MACF1: variants seen among roughly 807,000 people sequenced by gnomAD.
MACF1 encodes the protein microtubule-actin cross-linking factor 1.
MACF1 carries 193 observed loss-of-function variants against 854.8 expected under a neutral mutation model. The ratio of observed to expected loss-of-function variants is 0.23; its 90% CI spans 0.20 to 0.25. MACF1 has a LOEUF of 0.25. MACF1 is among the 10% of genes least tolerant of loss of function. The pLI, the probability that MACF1 is intolerant of heterozygous loss-of-function variation, is 1.00. For missense variants in MACF1, 7,722 were observed against 8,929.1 expected, an observed-to-expected ratio of 0.86 and a Z score of 5.45; for synonymous variants, 3,185 against 3,226.7, an observed-to-expected ratio of 0.99 and a Z score of 0.44.
At chr1:39,213,139 G>A (rs1644536329) in intron 1 of MACF1, among the ~76,000 whole-genome samples, 1 of 152,124 alleles carries the variant, frequency 6.6e-6, no homozygotes, top group South Asian at 2.1e-4. Flanking sequence ...TCTCTAAAAT[G>A]GAAATGATAA....
chr1:39,249,886 A>G, intron 2 of MACF1, 128 bp from the exon 3 acceptor site: 1 of 529,970 alleles, frequency 1.9e-6, no homozygotes, highest in Admixed American at 3.4e-5. Flanking sequence ...CCTGAATTTT[A>G]TTATTTAATT....
chr1:39,349,374 C>G, intron 41 of MACF1, 104 bp from the exon 42 acceptor site: 1 of 1,234,316 alleles, frequency 8.1e-7, no homozygotes, highest in African/African-American at 1.5e-5. Context: ...ACCAACTTTT[C>G]CATCCTTGAG....
At chr1:39,086,664 T>C (rs1641681023) in intron 2 of MACF1, among the ~76,000 whole-genome samples, 1 of 152,214 alleles carries the variant, frequency 6.6e-6, no homozygotes, top group Non-Finnish European at 1.5e-5. Flanking sequence ...TCCAGTCTTC[T>C]CTGAGGAGGC....
intron 2 of MACF1, 21 bp from the exon 3 acceptor site, chr1:39,249,993 C>CTG: frequency 6.9e-7 from 1 of 1,439,260 alleles, no homozygotes; most frequent in Non-Finnish European, 9.7e-7. Context: ...AAAAATCTGT[C>CTG]TGTTTCACTC....
chr1:39,443,607 A>T (rs1644162485), intron 79 of MACF1, 33 bp downstream of exon 79: 4 of 1,577,246 alleles, frequency 2.5e-6, no homozygotes, highest in Non-Finnish European at 8.6e-7. Flanking sequence ...GAGCATAAGC[A>T]TCCCATATTC....
At chr1:39,434,798 T>G (rs190270403) in intron 69 of MACF1, among the ~76,000 whole-genome samples, 166 bp downstream of exon 69, 4 of 152,380 alleles carry the variant, frequency 2.6e-5, no homozygotes, top group Admixed American at 2.0e-4. Context: ...TTTCCTTGGT[T>G]GTTTAATATC....
chr1:39,105,580 A>T lies in MACF1; in HGVS notation c.220+21142A>T. ...CGCCGCCTCAGCGCGCGGGCCTGGA[A>T]CCGGCAGCCCCCGGGGCTCGGCGAG... On this transcript the variant is annotated intron_variant, in intron 2 of 93. Transcript: ENST00000361689. The surrounding 1 kb of genome is among the most constrained non-coding windows in gnomAD (Gnocchi z 5.9). 8.4e-7 allele frequency: 1 copy of T among 1,184,604 alleles called. No individual in the cohort carries two copies. Among genetic ancestry groups the T allele is most frequent in the Non-Finnish European group, 1.1e-6 (1 of 935,808 alleles). 73.4% of individuals were successfully genotyped at this position (1,184,604 alleles called of 1,614,324 possible).
rs1646797068 is a variant in MACF1, at chr1:39,335,531, T to A, written c.8943T>A (p.Ile2981=). The stretch of plus-strand genomic sequence containing the variant: ...GTAAGAGAGAGAAGAGGGAGGTGAT[T>A]GTAGAAGAAAGTATCAGAACATGCA... ...VKSKREKREV[I]VEESIRTCKP... is the part of the protein sequence containing the mutation. Residue 2981 remains isoleucine (I), a synonymous_variant, in exon 37 of 101, where the codon ATT becomes ATA. Transcript: ENST00000564288. 3 of 1,614,040 alleles carry A rather than the reference T, an allele frequency of 1.9e-6. No individual in the cohort carries two copies. Among genetic ancestry groups the A allele is most frequent in the Middle Eastern group, 1.6e-4 (1 of 6,062 alleles).
intron 1 of MACF1, among the ~76,000 whole-genome samples, chr1:39,214,445 C>G (rs1038769139): frequency 3.3e-5 from 5 of 152,306 alleles, no homozygotes; most frequent in African/African-American, 1.2e-4. Context: ...GAAAGGATTT[C>G]TGGCACAGCT....
At chr1:39,303,174 ACAGTGG>A in intron 23 of MACF1, 96 bp downstream of exon 23, 1 of 1,410,822 alleles carries the variant, frequency 7.1e-7, no homozygotes, top group Non-Finnish European at 9.5e-7. Flanking sequence ...GTTTTTGAAC[ACAGTGG>A]TAAAGTTCCT....
At chr1:39,286,748 A>G (rs1645651470) in intron 14 of MACF1, among the ~76,000 whole-genome samples, 1 of 152,062 alleles carries the variant, frequency 6.6e-6, no homozygotes, top group African/African-American at 2.4e-5. Context: ...CAGAGCCAAG[A>G]CTAGGACCCA....
chr1:39,285,997 T>C (rs903858760), intron 14 of MACF1, among the ~76,000 whole-genome samples: 3 of 152,184 alleles, frequency 2.0e-5, no homozygotes, highest in African/African-American at 7.2e-5. Context: ...TGTGGCCTTT[T>C]GTAACATCCC....
chr1:39,433,044 A>C lies in MACF1; in HGVS notation c.17458-4A>C. 5 of 1,587,328 alleles carry C rather than the reference A, an allele frequency of 3.1e-6. No individual in the cohort carries two copies. Among genetic ancestry groups the C allele is most frequent in the Non-Finnish European group, 4.3e-6 (5 of 1,159,312 alleles). ...ACTTCTTAACTACAGTTTACTTTTC[A>C]AAGGCTTTCTCCATTGACATTATTC... On this transcript the variant is annotated splice_polypyrimidine_tract_variant and splice_region_variant and intron_variant, in intron 67 of 100. Coordinates refer to ENST00000564288, the MANE Select transcript of MACF1 (RefSeq NM_001394062.1).
In MACF1 at chr1:39,430,915, C is replaced by T. The variant is rs752302163; in HGVS notation, c.17337+7C>T. On this transcript the variant is annotated splice_region_variant and intron_variant, in intron 66 of 100. Transcript: ENST00000564288. Reference sequence around the variant, plus strand: ...TATTCAGAGATCACAACAGGTAATGCTTATAATACCTCTGCATTAATATTT... The same window carrying T: ...TATTCAGAGATCACAACAGGTAATGTTTATAATACCTCTGCATTAATATTT... 1 of 1,603,230 alleles carries T rather than the reference C, an allele frequency of 6.2e-7. No homozygotes were observed. Among genetic ancestry groups the T allele is most frequent in the Admixed American group, 1.7e-5 (1 of 60,002 alleles).
In MACF1 at chr1:39,427,421, C is replaced by T. The variant is rs625384; in HGVS notation, c.16317-34C>T. ...TATTACCAGTTTTAATGTGACTTTTCTTCCTGAGCAGCTTGTTCTATATAT... is the reference window on the plus strand; with the variant it reads ...TATTACCAGTTTTAATGTGACTTTTTTTCCTGAGCAGCTTGTTCTATATAT... On this transcript the variant is annotated intron_variant, in intron 61 of 100. Coordinates refer to ENST00000564288, the MANE Select transcript of MACF1 (RefSeq NM_001394062.1). 483,991 of 1,598,342 alleles carry T rather than the reference C, an allele frequency of 0.3. 75,364 individuals carry two copies. Among genetic ancestry groups the T allele is most frequent in the African/African-American group, 0.47 (35,135 of 74,052 alleles).
At chr1:39,415,613 G>A (rs993136486) in intron 58 of MACF1, among the ~76,000 whole-genome samples, 11 of 150,664 alleles carry the variant, frequency 7.3e-5, no homozygotes, top group South Asian at 2.1e-4. Flanking sequence ...TGCCCGCCTC[G>A]GCCTCCCAGA....
chr1:39,156,954 C>T (rs921978645), intron 2 of MACF1, among the ~76,000 whole-genome samples: 1 of 141,718 alleles, frequency 7.1e-6, no homozygotes, highest in Non-Finnish European at 1.5e-5. Flanking sequence ...TATTACTTTC[C>T]CTTTCCATTA....
chr1:39,277,625 T>C (rs2148372173), intron 6 of MACF1, among the ~76,000 whole-genome samples: 1 of 152,352 alleles, frequency 6.6e-6, no homozygotes, highest in Non-Finnish European at 1.5e-5. Context: ...CTTCTTTTTT[T>C]GTTTTCCACC....
chr1:39,110,220 G>A (rs1237709418), intron 2 of MACF1, among the ~76,000 whole-genome samples: 1 of 144,004 alleles, frequency 6.9e-6, no homozygotes, highest in East Asian at 2.0e-4. Context: ...CCTTTTTAGT[G>A]GATGTTGTTC....
Sources: allele counts gnomAD v4.1 joint callset (sites outside exome capture counted in the v4.1 genomes callset), GRCh38; gene constraint gnomAD v4.1.1; non-coding constraint Gnocchi (gnomAD v3.1); transcripts MANE v1.5; gene names NCBI Gene and HGNC (gene_info 2026-07-23, HGNC 2026-07-21).